Variants in MGMT observed in about 807,000 individuals in gnomAD.
MGMT encodes O-6-methylguanine-DNA methyltransferase.
In MGMT, 14 loss-of-function variants were observed where a neutral mutation model predicts 15.9. The observed-to-expected ratio is 0.88, with a 90% confidence interval of 0.58 to 1.37. The LOEUF is 1.37. MGMT is among the 40% of genes most tolerant of loss of function. The pLI is 0.00. For missense variants in MGMT, 282 were observed against 268.1 expected (o/e 1.05, Z -0.36); for synonymous variants, 130 against 118.2 (o/e 1.10, Z -0.65).
intron 2 of MGMT, among the ~76,000 whole-genome samples, chr10:129,646,754 A>ATATTTTTTTTTTTTTTTTTTTT: frequency 2.7e-4 from 23 of 86,658 alleles, no homozygotes; most frequent in South Asian, 2.0e-3. Flanking sequence ...ATATATATAT[A>ATATTTTTTTTTTTTTTTTTTTT]TTTTCAGGGA....
intron 1 of MGMT, among the ~76,000 whole-genome samples, chr10:129,507,717 T>G (rs188744398): frequency 6.6e-6 from 1 of 152,188 alleles, no homozygotes. Flanking sequence ...CTGTGCAACT[T>G]TTTATTGTCC....
intron 2 of MGMT, among the ~76,000 whole-genome samples, chr10:129,695,489 C>G (rs948382893): frequency 6.6e-5 from 10 of 152,122 alleles, no homozygotes; most frequent in Admixed American, 6.5e-4. Context: ...ATAATCCATG[C>G]CTTTTGGAAA....
intron 2 of MGMT, among the ~76,000 whole-genome samples, chr10:129,660,775 AAC>A (rs10634898): frequency 4.7e-4 from 70 of 148,912 alleles, no homozygotes; most frequent in Middle Eastern, 3.5e-3. Context: ...CCCCACCCCC[AAC>A]ACACACACAC....
intron 2 of MGMT, among the ~76,000 whole-genome samples, chr10:129,588,505 G>A (rs903971433): frequency 6.6e-6 from 1 of 152,062 alleles, no homozygotes; most frequent in African/African-American, 2.4e-5. Context: ...TGAGTACCTT[G>A]TTGTCCCTTT....
At position 129,475,278 on chromosome 10, in the gene MGMT, G is replaced by T. The variant is rs567246716; in HGVS notation, c.-13+7982G>T. Among the ~76,000 whole-genome samples the T allele has an allele frequency of 3.9e-5, 6 of 152,226 alleles. No individual in the cohort carries two copies. The East Asian group carries it at 1.2e-3, about 30-fold the overall frequency. On this transcript the variant is annotated intron_variant, in intron 1 of 4. Coordinates refer to ENST00000651593, the MANE Select transcript of MGMT (RefSeq NM_002412.5). ...TCACTCTAGGAGTGTTAAAGCCAGG[G>T]TCTCAGCCTCCTGCAGTTGTCATCT... is the stretch of plus-strand genomic sequence containing the variant.
chr10:129,467,242 A>G lies in MGMT; in HGVS notation c.-67A>G. The G allele has an allele frequency of 6.5e-7, 1 of 1,543,132 alleles. No homozygotes were observed. Among genetic ancestry groups the G allele is most frequent in the Non-Finnish European group, 8.7e-7 (1 of 1,145,412 alleles). ...TGCTGGGACAGCCCGCGCCCCTAGA[A>G]CGCTTTGCGTCCCGACGCCCGCAGG... On this transcript the variant is annotated 5_prime_UTR_variant, in exon 1 of 5. Coordinates refer to ENST00000651593, the MANE Select transcript of MGMT (RefSeq NM_002412.5).
chr10:129,650,144 G>A (rs1309790087), intron 2 of MGMT, among the ~76,000 whole-genome samples: 1 of 152,196 alleles, frequency 6.6e-6, no homozygotes, highest in Non-Finnish European at 1.5e-5. Context: ...CTGAGTGTTT[G>A]GGGGCTTCTA....
At chr10:129,662,965 A>G (rs1444775251) in intron 2 of MGMT, among the ~76,000 whole-genome samples, 1 of 152,240 alleles carries the variant, frequency 6.6e-6, no homozygotes, top group Non-Finnish European at 1.5e-5. Context: ...ATTGTCAGAG[A>G]TGTTAACACA....
rs1464591386 is a variant in MGMT, at chr10:129,706,192, C to A, written c.126-1703C>A. 2.0e-5 allele frequency among the ~76,000 whole-genome samples: 3 copies of A among 152,206 alleles called. No homozygotes were observed. In the East Asian group the frequency reaches 5.8e-4, roughly 29 times the overall value. On this transcript the variant is annotated intron_variant, in intron 2 of 4. Transcript: ENST00000651593. ...TTTCTGTGAGTCTCAGTCCCCGAGG[C>A]CTCCACTCTGCGTCTACGTTCACAC...
chr10:129,724,835 T>C (rs749001062), intron 3 of MGMT, among the ~76,000 whole-genome samples: 3 of 152,226 alleles, frequency 2.0e-5, no homozygotes, highest in Admixed American at 2.0e-4. Flanking sequence ...GTAAATATTA[T>C]GGATTTTTAT....
chr10:129,671,321 G>A (rs1389340147), intron 2 of MGMT, among the ~76,000 whole-genome samples: 2 of 152,080 alleles, frequency 1.3e-5, no homozygotes, highest in Non-Finnish European at 2.9e-5. Flanking sequence ...AGTCAGTCCT[G>A]GTAGGAATAT....
intron 2 of MGMT, among the ~76,000 whole-genome samples, chr10:129,656,212 G>A (rs540057046): frequency 3.3e-5 from 5 of 152,370 alleles, no homozygotes; most frequent in African/African-American, 1.2e-4. Flanking sequence ...CTCATCTTCA[G>A]TGGAGTCTGG....
chr10:129,596,304 C>T (rs1161170889), intron 2 of MGMT, among the ~76,000 whole-genome samples: 1 of 152,166 alleles, frequency 6.6e-6, no homozygotes, highest in African/African-American at 2.4e-5. Context: ...TTTCTTTTTC[C>T]ATTTATTATA....
intron 1 of MGMT, among the ~76,000 whole-genome samples, chr10:129,506,162 C>A (rs1329435244): frequency 6.6e-6 from 1 of 152,022 alleles, no homozygotes; most frequent in African/African-American, 2.4e-5. Flanking sequence ...GCCAGGGATG[C>A]CAGTGAACAT....
chr10:129,485,705 T>C (rs1845401345), intron 1 of MGMT, among the ~76,000 whole-genome samples: 1 of 152,268 alleles, frequency 6.6e-6, no homozygotes, highest in African/African-American at 2.4e-5. Flanking sequence ...AATTTCAGGC[T>C]ACTCATCCTG....
At chr10:129,571,200 G>A (rs1846413246) in intron 2 of MGMT, among the ~76,000 whole-genome samples, 2 of 152,196 alleles carry the variant, frequency 1.3e-5, no homozygotes, top group Admixed American at 6.5e-5. Flanking sequence ...TGGAGACTGA[G>A]AGTGAATGAC....
chr10:129,677,916 C>T (rs577841272), intron 2 of MGMT, among the ~76,000 whole-genome samples: 3 of 152,044 alleles, frequency 2.0e-5, no homozygotes, highest in Non-Finnish European at 4.4e-5. Flanking sequence ...ATAAGAGGAG[C>T]GGTGATAAGT....
intron 2 of MGMT, among the ~76,000 whole-genome samples, chr10:129,661,175 CT>C (rs1847592976): frequency 6.6e-6 from 1 of 151,686 alleles, no homozygotes; most frequent in Non-Finnish European, 1.5e-5. Flanking sequence ...AATTTATTAA[CT>C]TTTCCCACTT....
chr10:129,552,596 G>C (rs1032907948), intron 2 of MGMT, among the ~76,000 whole-genome samples: 1 of 152,230 alleles, frequency 6.6e-6, no homozygotes, highest in Non-Finnish European at 1.5e-5. Flanking sequence ...CTTTGGTCTT[G>C]GTGGAGAATT....
Sources: allele counts gnomAD v4.1 joint callset (sites outside exome capture counted in the v4.1 genomes callset), GRCh38; gene constraint gnomAD v4.1.1; transcripts MANE v1.5; gene names NCBI Gene and HGNC (gene_info 2026-07-23, HGNC 2026-07-21).